The following GALNT18 variants were observed in gnomAD, a reference collection of about 807,000 sequenced individuals.
GALNT18 encodes polypeptide N-acetylgalactosaminyltransferase 18.
Under a neutral mutation model 69.5 loss-of-function variants are expected in GALNT18, and 44 were observed. The observed-to-expected ratio is 0.63, with a 90% CI of 0.50 to 0.81. The LOEUF (loss-of-function observed/expected upper bound fraction) is 0.81, where lower values mean the gene tolerates loss of function less well. GALNT18 is among the 40% of genes least tolerant of loss of function. GALNT18 has a pLI of 0.00. For synonymous variants in GALNT18, 364 were observed against 318.2 expected (o/e 1.14, Z -1.53); for missense variants, 715 against 810.0 (o/e 0.88, Z 1.42).
At position 11,320,094 on chromosome 11, in the gene GALNT18, A is replaced by G. The variant is rs1467968689; in HGVS notation, c.1512+6992T>C. Among the ~76,000 whole-genome samples, 1 of 152,204 alleles carries G rather than the reference A, an allele frequency of 6.6e-6. No homozygotes were observed. The highest frequency in any genetic ancestry group is 1.5e-5 in the Non-Finnish European group (1 of 68,030). On this transcript the variant is annotated intron_variant, in intron 9 of 10. Transcript: ENST00000227756. The surrounding 1 kb of genome is among the most constrained non-coding windows in gnomAD (Gnocchi z 4.9). ...AAAATTGAGGCATGAGGAGACACTC[A>G]CCTAAGAGACTCAGTTAGTAAGTGG...
chr11:11,563,241 T>C lies in GALNT18; in HGVS notation c.235+58118A>G, dbSNP rs1000490934. ...GCTGTTCACCTTGCACCTCCCCGGA[T>C]CAAGAGACTTGGCTCTTCCTGGCTT... On this transcript the variant is annotated intron_variant, in intron 1 of 10. Transcript: ENST00000227756. This position sits in a 1 kb window ranked among gnomAD's most constrained non-coding sequence, Gnocchi z 4.6. Among the ~76,000 whole-genome samples, 1 of 152,174 alleles carries C rather than the reference T, an allele frequency of 6.6e-6. No homozygotes were observed. Among genetic ancestry groups the C allele is most frequent in the African/African-American group, 2.4e-5 (1 of 41,434 alleles).
At chr11:11,609,423 C>T (rs1590137500) in intron 1 of GALNT18, among the ~76,000 whole-genome samples, 1 of 152,240 alleles carries the variant, frequency 6.6e-6, no homozygotes, top group African/African-American at 2.4e-5. Flanking sequence ...ACAAGGCGCA[C>T]ACCTCACCTT....
chr11:11,537,421 G>C (rs972188069), intron 1 of GALNT18, among the ~76,000 whole-genome samples: 1 of 152,170 alleles, frequency 6.6e-6, no homozygotes, highest in Non-Finnish European at 1.5e-5. Flanking sequence ...GTGGTCACCA[G>C]GATACAGGCA....
rs899674001 is a variant in GALNT18 at position 11,503,941 on chromosome 11, A to G, written c.236-55005T>C. 2.6e-5 allele frequency among the ~76,000 whole-genome samples: 4 copies of G among 152,328 alleles called. No homozygotes were observed. In the South Asian group the frequency reaches 8.3e-4, roughly 32 times the overall value. On this transcript the variant is annotated intron_variant, in intron 1 of 10. Transcript: ENST00000227756. ...CACCACTACTCAACCAAGGGTAACCATGATACTGAATTCTAACAGCAAAGG... is the reference window on the plus strand; with the variant it reads ...CACCACTACTCAACCAAGGGTAACCGTGATACTGAATTCTAACAGCAAAGG...
At chr11:11,593,668 C>T (rs946913604) in intron 1 of GALNT18, among the ~76,000 whole-genome samples, 1 of 152,162 alleles carries the variant, frequency 6.6e-6, no homozygotes, top group African/African-American at 2.4e-5. Flanking sequence ...GTGGCTCATG[C>T]CCCTAACCCC....
chr11:11,502,996 T>C (rs1041606325), intron 1 of GALNT18, among the ~76,000 whole-genome samples: 2 of 152,210 alleles, frequency 1.3e-5, no homozygotes, highest in African/African-American at 4.8e-5. Flanking sequence ...ATGTTTGTAA[T>C]ATGTACACCA....
rs1414896203 is a variant in GALNT18, at chr11:11,430,871, A to G, written c.595+1750T>C. Among the ~76,000 whole-genome samples, 2 of 152,146 alleles carry G rather than the reference A, an allele frequency of 1.3e-5. No homozygotes were observed. Among genetic ancestry groups the G allele is most frequent in the African/African-American group, 4.8e-5 (2 of 41,438 alleles). Reference sequence around the variant, plus strand: ...GATGCCCTTTTCCCCCGCCAATATAATAAAGCATGACCAAATTCCTCCATT... The same window carrying G: ...GATGCCCTTTTCCCCCGCCAATATAGTAAAGCATGACCAAATTCCTCCATT... On this transcript the variant is annotated intron_variant, in intron 3 of 10. Transcript: ENST00000227756. The surrounding 1 kb of genome is among the most constrained non-coding windows in gnomAD (Gnocchi z 4.9).
chr11:11,388,016 A>G (rs1467291816), intron 3 of GALNT18, among the ~76,000 whole-genome samples: 1 of 152,212 alleles, frequency 6.6e-6, no homozygotes, highest in Non-Finnish European at 1.5e-5. Context: ...ACTTCTTCAA[A>G]GTCGATTGAT....
intron 1 of GALNT18, among the ~76,000 whole-genome samples, chr11:11,479,333 T>C (rs1286005975): frequency 2.0e-5 from 3 of 152,158 alleles, no homozygotes; most frequent in Non-Finnish European, 4.4e-5. Context: ...GTTTGAGGAT[T>C]GAGGAAGAGG....
rs1033337132 is a variant in GALNT18, at chr11:11,340,720, A to G, written c.1278+99T>C. The G allele has an allele frequency of 1.7e-5, 20 of 1,142,942 alleles. No homozygotes were observed. The Admixed American group carries it at 2.6e-4, about 15-fold the overall frequency. 70.8% of individuals were successfully genotyped at this position (1,142,942 alleles called of 1,614,324 possible). On this transcript the variant is annotated intron_variant, in intron 7 of 10. Transcript: ENST00000227756. This position sits in a 1 kb window ranked among gnomAD's most constrained non-coding sequence, Gnocchi z 4.2. ...AGTCCATTCTTGCATGGCAAACAGG[A>G]CTCTGGCTGACCCATAGGAAGAAGG...
chr11:11,483,359 A>T (rs986935006), intron 1 of GALNT18, among the ~76,000 whole-genome samples: 1 of 152,232 alleles, frequency 6.6e-6, no homozygotes, highest in Non-Finnish European at 1.5e-5. Flanking sequence ...GTCATAGCAC[A>T]GCTTTCATCA....
intron 3 of GALNT18, among the ~76,000 whole-genome samples, chr11:11,426,226 C>T (rs1855126838): frequency 6.6e-6 from 1 of 152,220 alleles, no homozygotes. Flanking sequence ...ACCTTCTCCT[C>T]TGCACTCCAC....
chr11:11,597,939 C>T (rs1008422552), intron 1 of GALNT18, among the ~76,000 whole-genome samples: 3 of 152,094 alleles, frequency 2.0e-5, no homozygotes, highest in Admixed American at 6.5e-5. Context: ...GGATTACAGG[C>T]GTGAGCCACC....
At chr11:11,310,100 G>GCTGACTC (rs1849644015) in intron 9 of GALNT18, among the ~76,000 whole-genome samples, 1 of 152,170 alleles carries the variant, frequency 6.6e-6, no homozygotes, top group African/African-American at 2.4e-5. Flanking sequence ...GTCTACACTT[G>GCTGACTC]CTGACTCCAC....
intron 1 of GALNT18, among the ~76,000 whole-genome samples, chr11:11,484,835 A>G (rs1590043853): frequency 6.6e-6 from 1 of 152,182 alleles, no homozygotes; most frequent in African/African-American, 2.4e-5. Flanking sequence ...CAGGTCCCCA[A>G]GGAGTGGAGC....
chr11:11,428,856 G>C (rs1855199506), intron 3 of GALNT18, among the ~76,000 whole-genome samples: 1 of 152,212 alleles, frequency 6.6e-6, no homozygotes, highest in African/African-American at 2.4e-5. Flanking sequence ...GTGAGGGTAA[G>C]TATTGTTTCT....
In GALNT18 at chr11:11,613,625, A is replaced by T. The variant is rs992718591; in HGVS notation, c.235+7734T>A. On this transcript the variant is annotated intron_variant, in intron 1 of 10. Transcript: ENST00000227756. The surrounding 1 kb of genome is among the most constrained non-coding windows in gnomAD (Gnocchi z 4.2). ...GGCTCAAGCATTGCATTACAGATGG[A>T]GCTGACTCTAACCCCAAAGGCAAGT... 1.3e-5 allele frequency among the ~76,000 whole-genome samples: 2 copies of T among 152,204 alleles called. No homozygotes were observed. The highest frequency in any genetic ancestry group is 4.8e-5 in the African/African-American group (2 of 41,446).
intron 5 of GALNT18, among the ~76,000 whole-genome samples, chr11:11,376,392 A>ACAAAAACAAAAC (rs1200428030): frequency 1.3e-5 from 2 of 152,098 alleles, no homozygotes; most frequent in Admixed American, 1.3e-4. Context: ...AAAAACAAAA[A>ACAAAAACAAAAC]CAAACACAGA....
At chr11:11,498,384 T>C (rs1280621166) in intron 1 of GALNT18, among the ~76,000 whole-genome samples, 1 of 152,126 alleles carries the variant, frequency 6.6e-6, no homozygotes. Context: ...GCAGAGGAAA[T>C]GGGGGCACTC....
Sources: allele counts gnomAD v4.1 joint callset (sites outside exome capture counted in the v4.1 genomes callset), GRCh38; gene constraint gnomAD v4.1.1; non-coding constraint Gnocchi (gnomAD v3.1); transcripts MANE v1.5; gene names NCBI Gene and HGNC (gene_info 2026-07-23, HGNC 2026-07-21).